The following CARD10 variants were observed in gnomAD, a reference collection of about 807,000 sequenced individuals.
The protein encoded by CARD10 is caspase recruitment domain family member 10.
In CARD10, 49 loss-of-function variants were observed where a neutral mutation model predicts 114.6. The ratio of observed to expected loss-of-function variants is 0.43; its 90% CI spans 0.34 to 0.54. CARD10 has a LOEUF of 0.54. CARD10 is among the 20% of genes least tolerant of loss of function. The probability of loss-of-function intolerance (pLI) is 0.03; values close to 1 mark genes in which losing one functional copy is unlikely to be tolerated. For synonymous variants in CARD10, 602 were observed against 593.2 expected (o/e 1.01, Z -0.21); for missense variants, 1,206 against 1,397.2 (o/e 0.86, Z 2.18).
chr22:37,508,438 C>T (rs113628824), intron 5 of CARD10, 89 bp downstream of exon 5: 6 of 1,351,226 alleles, frequency 4.4e-6, no homozygotes, highest in Admixed American at 5.2e-5. Context: ...GCGGCGCCTG[C>T]GTCAAGCAGA....
intron 8 of CARD10, 45 bp from the exon 9 acceptor site, chr22:37,504,346 C>G: frequency 7.6e-7 from 1 of 1,319,212 alleles, no homozygotes; most frequent in Non-Finnish European, 1.0e-6. Flanking sequence ...CTGCCCAGCA[C>G]CATCCCAGTC....
chr22:37,508,928 A>C lies in CARD10; in HGVS notation c.910-246T>G, dbSNP rs1045934244. 3 of 1,457,378 alleles carry C rather than the reference A, an allele frequency of 2.1e-6. No individual in the cohort carries two copies. The African/African-American group carries it at 4.2e-5, about 20-fold the overall frequency. 90.3% of individuals were successfully genotyped at this position (1,457,378 alleles called of 1,614,324 possible). A position where few individuals can be genotyped will look rare whatever the true frequency, so the allele number is the denominator to read the frequency against. ...AGTAAGCTAATAAGCTAAGTGGAGA[A>C]GGGTGTGACTGGACAAGTTCACCCA... On this transcript the variant is annotated intron_variant, in intron 4 of 19. Coordinates refer to ENST00000251973, the MANE Select transcript of CARD10 (RefSeq NM_014550.4).
chr22:37,516,373 AAACTC>A, intron 2 of CARD10, 75 bp from the exon 3 acceptor site: 1 of 1,097,974 alleles, frequency 9.1e-7, no homozygotes, highest in Non-Finnish European at 1.3e-6. Context: ...CTGTGTCAAA[AAACTC>A]AAACCATAAA....
chr22:37,507,257 C>T (rs1304859146), intron 6 of CARD10, among the ~76,000 whole-genome samples: 2 of 152,210 alleles, frequency 1.3e-5, no homozygotes, highest in Non-Finnish European at 2.9e-5. Context: ...GGCAACAGAG[C>T]TAGATTCAGT....
chr22:37,491,660 G>GGT (rs2145749676), intron 19 of CARD10, 95 bp downstream of exon 19: 2 of 543,634 alleles, frequency 3.7e-6, no homozygotes, highest in South Asian at 1.8e-5. Context: ...GAGAAAGAGG[G>GGT]GGAGGGAGAG....
rs201027754 is a variant in CARD10 at position 37,492,629 on chromosome 22, G to A, written c.2635+15C>T. On this transcript the variant is annotated intron_variant, in intron 17 of 19. Coordinates refer to ENST00000251973, the MANE Select transcript of CARD10 (RefSeq NM_014550.4). This position sits in a 1 kb window ranked among gnomAD's most constrained non-coding sequence, Gnocchi z 5.7. Reference sequence around the variant, plus strand: ...GAGGGGCACCCAGCCTCCCCTCCCCGGCACATAGTCTCACCCGCTGGGCAC... The same window carrying A: ...GAGGGGCACCCAGCCTCCCCTCCCCAGCACATAGTCTCACCCGCTGGGCAC... 1.4e-4 allele frequency: 228 copies of A among 1,611,674 alleles called. No individual in the cohort carries two copies. Among genetic ancestry groups the A allele is most frequent in the Middle Eastern group, 6.6e-4 (4 of 6,052 alleles).
At chr22:37,517,091 C>A (rs552276521) in intron 2 of CARD10, among the ~76,000 whole-genome samples, 2 of 152,282 alleles carry the variant, frequency 1.3e-5, no homozygotes, top group Non-Finnish European at 2.9e-5. Context: ...GCCTGAGACA[C>A]ATTTGCACAA....
Position 37,510,426 on chromosome 22 carries a change from A to C in CARD10, c.700-5T>G. 1 of 1,613,158 alleles carries C rather than the reference A, an allele frequency of 6.2e-7. No homozygotes were observed. Among genetic ancestry groups the C allele is most frequent in the South Asian group, 1.1e-5 (1 of 91,056 alleles). On this transcript the variant is annotated splice_region_variant and splice_polypyrimidine_tract_variant and intron_variant, in intron 3 of 19. Coordinates refer to ENST00000251973, the MANE Select transcript of CARD10 (RefSeq NM_014550.4). Reference sequence around the variant, plus strand: ...TTTGAGCTTGAGCTGATCCACCTGGAGCCCAAGACATGGGTCAGCCCAGAG... The same window carrying C: ...TTTGAGCTTGAGCTGATCCACCTGGCGCCCAAGACATGGGTCAGCCCAGAG...
chr22:37,496,597 G>A lies in CARD10; in HGVS notation c.1948-37C>T, dbSNP rs1316577551. 1.4e-6 allele frequency: 2 copies of A among 1,476,426 alleles called. No individual in the cohort carries two copies. The highest frequency in any genetic ancestry group is 2.3e-5 in the South Asian group (2 of 87,964). 91.5% of individuals were successfully genotyped at this position (1,476,426 alleles called of 1,614,324 possible). Reference sequence around the variant, plus strand: ...CCCAGGCAGGGAGGGAAAGAAGTGAGCCTCTGAGAGTAGAGCAGCCCAGGG... The same window carrying A: ...CCCAGGCAGGGAGGGAAAGAAGTGAACCTCTGAGAGTAGAGCAGCCCAGGG... On this transcript the variant is annotated intron_variant, in intron 12 of 19. Coordinates refer to ENST00000251973, the MANE Select transcript of CARD10 (RefSeq NM_014550.4). The surrounding 1 kb of genome is among the most constrained non-coding windows in gnomAD (Gnocchi z 4.1).
At chr22:37,498,477 C>T (rs549503147) in intron 11 of CARD10, among the ~76,000 whole-genome samples, 1 of 152,172 alleles carries the variant, frequency 6.6e-6, no homozygotes, top group Non-Finnish European at 1.5e-5. Flanking sequence ...GGAGAGGCAG[C>T]GGGGCGAAGC....
Position 37,490,725 on chromosome 22 carries a change from C to G in CARD10, c.*434G>C, listed in dbSNP as rs996753315. The stretch of plus-strand genomic sequence containing the variant: ...CTGGATGGTGGGAGTCACGCGGTAA[C>G]GGGCTCAGGTCTCCTAGGAGCAGAA... On this transcript the variant is annotated 3_prime_UTR_variant, in exon 20 of 20. Coordinates refer to ENST00000251973, the MANE Select transcript of CARD10 (RefSeq NM_014550.4). 6.0e-6 allele frequency: 1 copy of G among 165,458 alleles called. No homozygotes were observed. The highest frequency in any genetic ancestry group is 6.4e-5 in the Admixed American group (1 of 15,674). 10.2% of individuals were successfully genotyped at this position (165,458 alleles called of 1,614,324 possible).
rs56022423 is a variant in CARD10, at chr22:37,492,833, A to G, written c.2477-31T>C. 2,116 of 1,601,016 alleles carry G rather than the reference A, an allele frequency of 1.3e-3. 7 individuals are homozygous for G. Among genetic ancestry groups the G allele is most frequent in the South Asian group, 2.9e-3 (261 of 90,538 alleles). ...GCAGGGGAGGGGCGCAAAAGAGATA[A>G]GGGCACAGGCAGGCAGCATACCAGC... On this transcript the variant is annotated intron_variant, in intron 16 of 19. Coordinates refer to ENST00000251973, the MANE Select transcript of CARD10 (RefSeq NM_014550.4). The surrounding 1 kb of genome is among the most constrained non-coding windows in gnomAD (Gnocchi z 5.7).
intron 11 of CARD10, among the ~76,000 whole-genome samples, chr22:37,500,841 G>C (rs550489561): frequency 1.3e-5 from 2 of 152,066 alleles, no homozygotes; most frequent in Non-Finnish European, 2.9e-5. Context: ...ATAACTAACC[G>C]CGAGCATATG....
chr22:37,510,521 G>A, intron 3 of CARD10, 100 bp from the exon 4 acceptor site: 1 of 1,019,534 alleles, frequency 9.8e-7, no homozygotes, highest in Non-Finnish European at 1.4e-6. Flanking sequence ...GTGCCTCCCA[G>A]ATTCCCAGAG....
rs867540759 is a variant in CARD10 at position 37,501,952 on chromosome 22, C to T, written c.1787+650G>A. Among the ~76,000 whole-genome samples, 4 of 152,234 alleles carry T rather than the reference C, an allele frequency of 2.6e-5. No individual in the cohort carries two copies. The highest frequency in any genetic ancestry group is 4.1e-4 in the South Asian group (2 of 4,834). ...GTCACCGGATGCTCTCCCTACCTGC[C>T]CTCTCCTCACAGCTGAGTTCCAAGA... is the stretch of plus-strand genomic sequence containing the variant. On this transcript the variant is annotated intron_variant, in intron 11 of 19. Coordinates refer to ENST00000251973, the MANE Select transcript of CARD10 (RefSeq NM_014550.4). This position sits in a 1 kb window ranked among gnomAD's most constrained non-coding sequence, Gnocchi z 5.4.
At chr22:37,491,734 T>TG in intron 19 of CARD10, 21 bp downstream of exon 19, 1 of 1,200,438 alleles carries the variant, frequency 8.3e-7, no homozygotes. Flanking sequence ...CCCTGCCCAC[T>TG]GCCCCACCCA....
intron 3 of CARD10, among the ~76,000 whole-genome samples, chr22:37,515,640 T>C (rs1005149123): frequency 2.0e-5 from 3 of 152,098 alleles, no homozygotes; most frequent in African/African-American, 4.8e-5. Context: ...ACCGATGTTT[T>C]AGGCTAGGTA....
intron 3 of CARD10, 116 bp downstream of exon 3, chr22:37,515,857 G>A (rs950132675): frequency 2.5e-6 from 2 of 788,840 alleles, no homozygotes; most frequent in Non-Finnish European, 4.0e-6. Context: ...GCACTAAAAG[G>A]ACTTATCCAC....
chr22:37,494,135 C>T lies in CARD10; in HGVS notation c.2427G>A (p.Gly809=), dbSNP rs1601807944. 1 of 1,560,430 alleles carries T rather than the reference C, an allele frequency of 6.4e-7. No individual in the cohort carries two copies. The highest frequency in any genetic ancestry group is 2.4e-5 in the East Asian group (1 of 41,690). Residue 809 remains glycine (G), a synonymous_variant, in exon 16 of 20, where the codon GGG becomes GGA. Coordinates refer to ENST00000251973, the MANE Select transcript of CARD10 (RefSeq NM_014550.4). ...QLRLVRPKPV[G]APAGDSPDQL... ...GATCCGGGGAGTCCCCTGCAGGCGC[C>T]CCCACGGGCTTGGGCCTCACCAGCC...
Sources: allele counts gnomAD v4.1 joint callset (sites outside exome capture counted in the v4.1 genomes callset), GRCh38; gene constraint gnomAD v4.1.1; non-coding constraint Gnocchi (gnomAD v3.1); transcripts MANE v1.5; gene names NCBI Gene and HGNC (gene_info 2026-07-23, HGNC 2026-07-21).